Variants in ASIC2 observed in about 807,000 individuals in gnomAD.
ASIC2 encodes the protein acid sensing ion channel subunit 2.
Under a neutral mutation model 57.3 loss-of-function variants are expected in ASIC2, and 25 were observed. The observed-to-expected ratio is 0.44, with a 90% CI of 0.32 to 0.61. ASIC2 has a LOEUF of 0.61. ASIC2 is among the 20% of genes least tolerant of loss of function. The pLI is 0.06. For missense variants in ASIC2, 641 were observed against 738.1 expected (o/e 0.87, Z 1.52); for synonymous variants, 319 against 307.5 (o/e 1.04, Z -0.39).
chr17:34,082,083 T>TA (rs1909906424), intron 1 of ASIC2: 2 of 152,212 alleles, frequency 1.3e-5, no homozygotes, highest in Non-Finnish European at 2.9e-5. Context: ...GATGCCCTCA[T>TA]ACTTTCATCC....
chr17:33,667,475 C>CT (rs1416115345), intron 1 of ASIC2, among the ~76,000 whole-genome samples: 1 of 152,224 alleles, frequency 6.6e-6, no homozygotes, highest in Non-Finnish European at 1.5e-5. Context: ...CATCCTCTTT[C>CT]TTCTCTTGCT....
chr17:33,061,509 A>G (rs2141939816), intron 3 of ASIC2, among the ~76,000 whole-genome samples: 1 of 152,342 alleles, frequency 6.6e-6, no homozygotes, highest in Non-Finnish European at 1.5e-5. Flanking sequence ...CCAGGGATGA[A>G]GACAACTTGA....
At chr17:33,843,491 T>G (rs999175741) in intron 1 of ASIC2, among the ~76,000 whole-genome samples, 1 of 152,094 alleles carries the variant, frequency 6.6e-6, no homozygotes, top group African/African-American at 2.4e-5. Context: ...GTAAGAAGAG[T>G]CACTGAGAAT....
chr17:33,203,198 C>T (rs1906943424), intron 1 of ASIC2, among the ~76,000 whole-genome samples: 1 of 152,234 alleles, frequency 6.6e-6, no homozygotes, highest in Non-Finnish European at 1.5e-5. Flanking sequence ...ATGTCTGTCT[C>T]AGAAGCAGCC....
intron 1 of ASIC2, among the ~76,000 whole-genome samples, chr17:33,760,543 A>G (rs1164466739): frequency 6.6e-6 from 1 of 151,964 alleles, no homozygotes; most frequent in Admixed American, 6.6e-5. Context: ...TGTGCCATAG[A>G]TTTATATATA....
chr17:33,027,622 C>T (rs2091864547), intron 4 of ASIC2, among the ~76,000 whole-genome samples: 1 of 152,188 alleles, frequency 6.6e-6, no homozygotes, highest in Admixed American at 6.5e-5. Flanking sequence ...CCAGGTCATA[C>T]AGTAAATGAG....
At chr17:34,130,522 G>A (rs1203871630) in intron 1 of ASIC2, among the ~76,000 whole-genome samples, 1 of 152,194 alleles carries the variant, frequency 6.6e-6, no homozygotes, top group Non-Finnish European at 1.5e-5. Context: ...GGACACACAG[G>A]GAAAGAGACA....
intron 1 of ASIC2, among the ~76,000 whole-genome samples, chr17:33,130,333 A>C (rs2092340808): frequency 6.6e-6 from 1 of 152,146 alleles, no homozygotes; most frequent in Non-Finnish European, 1.5e-5. Flanking sequence ...AGAAGTGGGC[A>C]TAGGTACAGA....
At chr17:33,300,922 A>G (rs1905931326) in intron 1 of ASIC2, among the ~76,000 whole-genome samples, 1 of 152,226 alleles carries the variant, frequency 6.6e-6, no homozygotes, top group Admixed American at 6.5e-5. Context: ...GATGAGGATG[A>G]TAATGATATT....
At chr17:33,304,739 A>G (rs968230286) in intron 1 of ASIC2, among the ~76,000 whole-genome samples, 1 of 152,206 alleles carries the variant, frequency 6.6e-6, no homozygotes, top group African/African-American at 2.4e-5. Context: ...ACATGACCAG[A>G]GAGTGACCCA....
At chr17:33,744,186 A>G (rs1269151974) in intron 1 of ASIC2, among the ~76,000 whole-genome samples, 2 of 152,258 alleles carry the variant, frequency 1.3e-5, no homozygotes, top group East Asian at 3.8e-4. Flanking sequence ...AGAAAGAACC[A>G]GAGAAACAGA....
chr17:33,089,092 T>C, intron 2 of ASIC2, 102 bp from the exon 3 acceptor site: 1 of 1,480,252 alleles, frequency 6.8e-7, no homozygotes, highest in Non-Finnish European at 9.1e-7. Flanking sequence ...GACCCTGTGA[T>C]AAGCAGAATA....
At chr17:33,507,726 A>AC (rs1416947911) in intron 1 of ASIC2, among the ~76,000 whole-genome samples, 2 of 152,022 alleles carry the variant, frequency 1.3e-5, no homozygotes, top group Non-Finnish European at 2.9e-5. Flanking sequence ...ACGTGGTGAA[A>AC]CCCCATCTCT....
At chr17:33,231,131 T>C (rs751550987) in intron 1 of ASIC2, among the ~76,000 whole-genome samples, 1 of 152,048 alleles carries the variant, frequency 6.6e-6, no homozygotes, top group Non-Finnish European at 1.5e-5. Context: ...TGTCTCAGGA[T>C]CAAATGTCAA....
intron 3 of ASIC2, among the ~76,000 whole-genome samples, chr17:33,036,226 T>C (rs896106367): frequency 1.3e-5 from 2 of 152,276 alleles, no homozygotes; most frequent in Middle Eastern, 3.4e-3. Flanking sequence ...CCTATTATCA[T>C]GTTATTGATG....
chr17:33,767,012 C>T (rs1246351614), intron 1 of ASIC2, among the ~76,000 whole-genome samples: 3 of 152,216 alleles, frequency 2.0e-5, no homozygotes, highest in Non-Finnish European at 4.4e-5. Flanking sequence ...AAAGAAACCA[C>T]ACTGCTATTT....
chr17:33,303,708 CCTT>C (rs1052314881), intron 1 of ASIC2, among the ~76,000 whole-genome samples: 20 of 152,140 alleles, frequency 1.3e-4, no homozygotes, highest in Admixed American at 1.1e-3. Flanking sequence ...CATCTACCCT[CCTT>C]CCCTTCCTTT....
intron 1 of ASIC2, chr17:33,627,306 T>C (rs1292505865): frequency 6.6e-6 from 1 of 152,220 alleles, no homozygotes; most frequent in African/African-American, 2.4e-5. Context: ...TATAAATGCC[T>C]CTTGATATCC....
intron 1 of ASIC2, among the ~76,000 whole-genome samples, chr17:33,360,729 T>C (rs1216396569): frequency 2.0e-5 from 3 of 152,218 alleles, no homozygotes; most frequent in African/African-American, 7.2e-5. Flanking sequence ...CCATTTCATG[T>C]GGTTGAAATA....
Sources: gnomAD v4.1 joint callset for allele counts (sites outside exome capture counted in the v4.1 genomes callset) on GRCh38, gnomAD v4.1.1 for gene constraint, MANE v1.5 for transcripts, NCBI Gene and HGNC (gene_info 2026-07-23, HGNC 2026-07-21) for gene names.